The following IQGAP2 variants were observed in gnomAD, a reference collection of about 807,000 sequenced individuals.
IQGAP2 encodes the protein IQ motif containing GTPase activating protein 2, also known as ras GTPase-activating-like protein IQGAP2.
In IQGAP2, 173 loss-of-function variants were observed where a neutral mutation model predicts 201.3. The ratio of observed to expected loss-of-function variants is 0.86; its 90% CI spans 0.76 to 0.98. IQGAP2 has a LOEUF of 0.98. Among genes scored for constraint, IQGAP2 ranks in the 50% least tolerant of loss-of-function variants. The pLI is 0.00. For synonymous variants in IQGAP2, 675 were observed against 673.9 expected, an observed-to-expected ratio of 1.00 and a Z score of -0.03; for missense variants, 1,687 against 1,864.8, an observed-to-expected ratio of 0.90 and a Z score of 1.76.
In IQGAP2 at chr5:76,403,638, C is replaced by T. The variant is rs1272805131; in HGVS notation, c.46+47C>T. 1.4e-5 allele frequency: 20 copies of T among 1,422,650 alleles called. 1 individual carries two copies. The highest frequency in any genetic ancestry group is 1.6e-5 in the Non-Finnish European group (17 of 1,078,062). The allele number at this position is 1,422,650 out of a possible 1,614,324, so 88.1% of individuals were successfully genotyped here. A position where few individuals can be genotyped will look rare whatever the true frequency, so the allele number is the denominator to read the frequency against. On this transcript the variant is annotated intron_variant, in intron 1 of 35. Transcript: ENST00000274364. The surrounding 1 kb of genome is among the most constrained non-coding windows in gnomAD (Gnocchi z 4.8). ...GGTTCCTGCTGGCCTTGGGGAGCTC[C>T]CTCCCCGAGGACGGCGTTGGAGAAG...
chr5:76,455,992 G>C (rs1754060576), intron 1 of IQGAP2, among the ~76,000 whole-genome samples: 1 of 152,202 alleles, frequency 6.6e-6, no homozygotes, highest in Non-Finnish European at 1.5e-5. Context: ...GTGGAAGGCA[G>C]GCTTTCCATA....
At position 76,592,919 on chromosome 5, in the gene IQGAP2, G is replaced by A. The variant is rs1746759027; in HGVS notation, c.901G>A (p.Val301Ile). The A allele has an allele frequency of 6.3e-7, 1 of 1,595,806 alleles. No individual in the cohort carries two copies. ...QAEIQGNINK[V>I]NRQAAVDHIN... is the part of the protein sequence containing the mutation. Reference sequence around the variant, plus strand: ...AGAAATCCAAGGCAATATTAATAAAGTCAACAGTAAGTAATGGATCGTATG... The same window carrying A: ...AGAAATCCAAGGCAATATTAATAAAATCAACAGTAAGTAATGGATCGTATG... The change falls in exon 9 of 36, where the codon GTC becomes ATC. Residue 301 changes from valine (V) to isoleucine (I), a missense_variant. Physicochemically the swap from Val to Ile is conservative, Grantham distance 29. Coordinates refer to ENST00000274364, the MANE Select transcript of IQGAP2 (RefSeq NM_006633.5).
At chr5:76,510,161 G>A (rs931200002) in intron 2 of IQGAP2, among the ~76,000 whole-genome samples, 14 of 151,760 alleles carry the variant, frequency 9.2e-5, no homozygotes, top group Non-Finnish European at 1.5e-4. Flanking sequence ...CACCATGCCC[G>A]GCTAATTTTT....
intron 1 of IQGAP2, among the ~76,000 whole-genome samples, chr5:76,442,569 A>T (rs976324332): frequency 1.3e-5 from 2 of 152,184 alleles, no homozygotes; most frequent in African/African-American, 4.8e-5. Flanking sequence ...GCACCTGGTC[A>T]CTCGTGCTAC....
intron 17 of IQGAP2, among the ~76,000 whole-genome samples, chr5:76,648,282 A>G (rs1752238801): frequency 1.3e-5 from 2 of 152,144 alleles, no homozygotes; most frequent in African/African-American, 2.4e-5. Flanking sequence ...TAAGAGAGTT[A>G]TGTTTGTTTA....
rs1747112816 is a variant in IQGAP2 at position 76,597,436 on chromosome 5, C to T, written c.908-3C>T. 1 of 1,613,540 alleles carries T rather than the reference C, an allele frequency of 6.2e-7. No individual in the cohort carries two copies. The highest frequency in any genetic ancestry group is 8.5e-7 in the Non-Finnish European group (1 of 1,179,828). On this transcript the variant is annotated splice_region_variant and splice_polypyrimidine_tract_variant and intron_variant, in intron 9 of 35. Transcript: ENST00000274364. ...CTGACAAAACATGAACCCCCATCCT[C>T]AGGGCAGGCTGCAGTGGACCATATC...
chr5:76,554,833 C>T (rs1743826489), intron 2 of IQGAP2, among the ~76,000 whole-genome samples: 2 of 152,150 alleles, frequency 1.3e-5, no homozygotes, highest in Admixed American at 6.5e-5. Flanking sequence ...TGAGAACATA[C>T]ATCAGTGCAA....
At chr5:76,637,230 G>A in intron 16 of IQGAP2, 54 bp downstream of exon 16, 1 of 1,383,086 alleles carries the variant, frequency 7.2e-7, no homozygotes, top group South Asian at 1.4e-5. Context: ...AAATTTGACT[G>A]GTTTTCTATT....
chr5:76,447,156 A>G (rs1227210082), intron 1 of IQGAP2, among the ~76,000 whole-genome samples: 1 of 152,190 alleles, frequency 6.6e-6, no homozygotes, highest in Non-Finnish European at 1.5e-5. Flanking sequence ...GCAGGGACTG[A>G]GAGACAGGAC....
At chr5:76,469,579 A>G (rs979559188) in intron 2 of IQGAP2, among the ~76,000 whole-genome samples, 9 of 151,960 alleles carry the variant, frequency 5.9e-5, no homozygotes, top group African/African-American at 1.9e-4. Context: ...TAATTTTTAT[A>G]TTGTTGTAGA....
At chr5:76,524,627 G>A (rs757688750) in intron 2 of IQGAP2, among the ~76,000 whole-genome samples, 2 of 152,260 alleles carry the variant, frequency 1.3e-5, no homozygotes, top group Admixed American at 6.5e-5. Context: ...AAAAACATAA[G>A]AGTTGAACAA....
chr5:76,575,303 G>A (rs903931699), intron 4 of IQGAP2, among the ~76,000 whole-genome samples: 3 of 152,146 alleles, frequency 2.0e-5, no homozygotes, highest in Non-Finnish European at 4.4e-5. Flanking sequence ...ATGCAATAAA[G>A]TGGCTAATAA....
At chr5:76,667,941 T>C (rs1446954832) in intron 22 of IQGAP2, among the ~76,000 whole-genome samples, 3 of 149,170 alleles carry the variant, frequency 2.0e-5, no homozygotes, top group Non-Finnish European at 4.4e-5. Flanking sequence ...TACAGTGGTA[T>C]GATCACAGCT....
At chr5:76,611,935 A>T (rs1748445891) in intron 13 of IQGAP2, among the ~76,000 whole-genome samples, 1 of 152,178 alleles carries the variant, frequency 6.6e-6, no homozygotes, top group Non-Finnish European at 1.5e-5. Context: ...TGCAAACCCA[A>T]CTGAAAGGGC....
At position 76,617,946 on chromosome 5, in the gene IQGAP2, G is replaced by T. The variant is rs746837046; in HGVS notation, c.1521+6763G>T. Reference sequence around the variant, plus strand: ...GTAATAGAGTTGGAAGGGAGATGAGGACTCGCAAGTGTTGTGAACATCATG... The same window carrying T: ...GTAATAGAGTTGGAAGGGAGATGAGTACTCGCAAGTGTTGTGAACATCATG... On this transcript the variant is annotated intron_variant, in intron 13 of 35. Transcript: ENST00000274364. 3 of 1,613,964 alleles carry T rather than the reference G, an allele frequency of 1.9e-6. No homozygotes were observed. Among genetic ancestry groups the T allele is most frequent in the East Asian group, 4.5e-5 (2 of 44,866 alleles).
At chr5:76,686,572 T>TGC (rs1745776013) in intron 30 of IQGAP2, among the ~76,000 whole-genome samples, 1 of 152,116 alleles carries the variant, frequency 6.6e-6, no homozygotes, top group Admixed American at 6.6e-5. Context: ...TGCAGTGGCA[T>TGC]GATCTCGGGT....
chr5:76,449,037 G>A (rs1753575778), intron 1 of IQGAP2, among the ~76,000 whole-genome samples: 1 of 152,272 alleles, frequency 6.6e-6, no homozygotes, highest in East Asian at 1.9e-4. Flanking sequence ...CTTAGAAACA[G>A]CTGTAAAATG....
intron 13 of IQGAP2, among the ~76,000 whole-genome samples, chr5:76,622,771 G>T (rs1192387706): frequency 6.6e-6 from 1 of 152,108 alleles, no homozygotes; most frequent in African/African-American, 2.4e-5. Flanking sequence ...CAGTATTCTT[G>T]TTTCTCCCAT....
chr5:76,580,173 G>A, intron 5 of IQGAP2, among the ~76,000 whole-genome samples: 1 of 152,126 alleles, frequency 6.6e-6, no homozygotes, highest in South Asian at 2.1e-4. Flanking sequence ...CTACTCGGGA[G>A]GCTGAGGCAG....
Sources: allele counts gnomAD v4.1 joint callset (sites outside exome capture counted in the v4.1 genomes callset), GRCh38; gene constraint gnomAD v4.1.1; non-coding constraint Gnocchi (gnomAD v3.1); transcripts MANE v1.5; gene names NCBI Gene and HGNC (gene_info 2026-07-23, HGNC 2026-07-21).